RBM4: variants seen among roughly 807,000 people sequenced by gnomAD.
The protein encoded by RBM4 is RNA-binding protein 4.
A neutral mutation model predicts 29.5 loss-of-function variants in RBM4; 7 were observed. That is an observed-to-expected ratio of 0.24 (90% CI 0.14 to 0.45). The LOEUF is 0.45. Among genes scored for constraint, RBM4 ranks in the 20% least tolerant of loss-of-function variants. RBM4 has a pLI of 1.00. For missense variants in RBM4, 387 were observed against 502.3 expected (o/e 0.77, Z 2.19); for synonymous variants, 220 against 205.4 (o/e 1.07, Z -0.61).
chr11:66,659,927 A>T (rs941257442), intron 2 of RBM4, among the ~76,000 whole-genome samples: 4 of 150,942 alleles, frequency 2.7e-5, no homozygotes, highest in Admixed American at 6.6e-5. Flanking sequence ...TGTAAATCAG[A>T]TGTTTCTTTC....
chr11:66,666,248 G>T, exon 3 of RBM4: 1 of 1,030,970 alleles, frequency 9.7e-7, no homozygotes, highest in Non-Finnish European at 1.2e-6. Context: ...ACCAATGGCT[G>T]GGGGAAAAAA....
At chr11:66,658,337 C>CTTTTTTTTTTTTTTTTTTTTTTTT (rs35133059) in intron 2 of RBM4, among the ~76,000 whole-genome samples, 3 of 50,460 alleles carry the variant, frequency 5.9e-5, no homozygotes, top group Admixed American at 3.9e-4. Flanking sequence ...CTAGTCTGAC[C>CTTTTTTTTTTTTTTTTTTTTTTTT]TTTTTTTTTT....
Position 66,646,343 on chromosome 11 carries a change from G to C in RBM4, c.*325G>C. 7.9e-7 allele frequency: 1 copy of C among 1,259,248 alleles called. No homozygotes were observed. The highest frequency in any genetic ancestry group is 1.0e-6 in the Non-Finnish European group (1 of 995,648). 78.0% of individuals were successfully genotyped at this position (1,259,248 alleles called of 1,614,324 possible). On this transcript the variant is annotated 3_prime_UTR_variant, in exon 4 of 4. Coordinates refer to ENST00000310092, the MANE Select transcript of RBM4 (RefSeq NM_002896.4). ...TCCCTGCCTCCTGCCTCCTGCGGCT[G>C]TTGGATTTGGGAATGACCTTGGTGA...
chr11:66,642,163 C>T (rs1938495192), intron 2 of RBM4, among the ~76,000 whole-genome samples: 1 of 152,216 alleles, frequency 6.6e-6, no homozygotes, highest in Non-Finnish European at 1.5e-5. Flanking sequence ...CCTTCCACCC[C>T]CGTTTCCCTA....
downstream of RBM4, among the ~76,000 whole-genome samples, chr11:66,647,973 G>A (rs573073894): frequency 2.1e-4 from 32 of 152,278 alleles, 1 homozygote; most frequent in Admixed American, 1.9e-3. Context: ...GGGAGGCCAC[G>A]GTGGGTGGAT....
At chr11:66,665,672 G>A (rs1939199321) in intron 2 of RBM4, 2 of 1,514,622 alleles carry the variant, frequency 1.3e-6, no homozygotes, top group Non-Finnish European at 1.8e-6. Flanking sequence ...TGTATTCCGG[G>A]GGGAAAAAAA....
chr11:66,660,112 CT>C (rs1441941754), intron 2 of RBM4, among the ~76,000 whole-genome samples: 1 of 147,494 alleles, frequency 6.8e-6, no homozygotes, highest in Admixed American at 6.8e-5. Flanking sequence ...ACACTGAGCT[CT>C]TTCCTGCCTC....
intron 1 of RBM4, 29 bp downstream of exon 1, chr11:66,638,781 T>G (rs1025891735): frequency 6.6e-6 from 1 of 152,464 alleles, no homozygotes; most frequent in Non-Finnish European, 1.5e-5. Context: ...CCACTGCCTT[T>G]CTTGTACTGT....
At chr11:66,650,043 A>G, downstream of RBM4, 1 of 480,998 alleles carries the variant, frequency 2.1e-6, no homozygotes, top group South Asian at 3.2e-5. Context: ...AAAGATGAAT[A>G]GGGCATTGTG....
chr11:66,650,616 C>T (rs918121483), downstream of RBM4, among the ~76,000 whole-genome samples: 14 of 151,734 alleles, frequency 9.2e-5, no homozygotes, highest in South Asian at 1.7e-3. Context: ...GTATTCCCAG[C>T]GCTTTGGGAG....
intron 2 of RBM4, among the ~76,000 whole-genome samples, chr11:66,657,108 CT>C (rs748071140): frequency 3.7e-3 from 342 of 93,392 alleles, no homozygotes; most frequent in South Asian, 0.019. Flanking sequence ...ATTTTTTAGT[CT>C]TTTTTTTTTT....
intron 2 of RBM4, among the ~76,000 whole-genome samples, chr11:66,664,084 T>A (rs953350728): frequency 1.3e-5 from 2 of 151,878 alleles, no homozygotes; most frequent in Admixed American, 6.6e-5. Context: ...CACAGCTCAC[T>A]GCAGCCTCAA....
intron 2 of RBM4, 65 bp downstream of exon 2, chr11:66,640,188 TA>T: frequency 2.5e-6 from 4 of 1,598,108 alleles, no homozygotes; most frequent in Non-Finnish European, 3.4e-6. Flanking sequence ...GTTGGATAAG[TA>T]AAAGGAGAGG....
rs569589132 is a variant in RBM4, at chr11:66,657,822, C to G, written c.413-8034C>G. On this transcript the variant is annotated intron_variant, in intron 2 of 2. Coordinates refer to the RBM4 transcript ENST00000396053. ...TTCAACCTCCACCTCCTCCCGGGCT[C>G]AAGCAATTCTCTCACCTCAGCCTCC... is the stretch of plus-strand genomic sequence containing the variant. 1.4e-4 allele frequency among the ~76,000 whole-genome samples: 22 copies of G among 151,930 alleles called. 1 individual carries two copies. The East Asian group carries it at 3.1e-3, about 21-fold the overall frequency.
intron 2 of RBM4, among the ~76,000 whole-genome samples, chr11:66,653,793 G>T (rs1412318600): frequency 2.0e-5 from 3 of 151,092 alleles, no homozygotes; most frequent in African/African-American, 4.9e-5. Context: ...TTATACATGG[G>T]TTTTCTTTTT....
chr11:66,667,798 C>T (rs1404957394), exon 3 of RBM4: 1 of 151,788 alleles, frequency 6.6e-6, no homozygotes, highest in Non-Finnish European at 1.5e-5. Context: ...CTTTTAACTC[C>T]TGGGCTCAAG....
At chr11:66,647,208 A>G (rs1938718927), downstream of RBM4, among the ~76,000 whole-genome samples, 2 of 152,250 alleles carry the variant, frequency 1.3e-5, no homozygotes, top group South Asian at 2.1e-4. Context: ...GGACTGTGTC[A>G]GAGCATTTCT....
At chr11:66,642,065 G>A (rs947742921) in intron 2 of RBM4, among the ~76,000 whole-genome samples, 5 of 152,156 alleles carry the variant, frequency 3.3e-5, no homozygotes, top group Non-Finnish European at 7.3e-5. Flanking sequence ...GCACTTTAAG[G>A]CACTTAAGTG....
At chr11:66,658,337 C>CTTTTTTTTTTTT (rs35133059) in intron 2 of RBM4, among the ~76,000 whole-genome samples, 9 of 50,458 alleles carry the variant, frequency 1.8e-4, no homozygotes, top group African/African-American at 4.7e-4. Flanking sequence ...CTAGTCTGAC[C>CTTTTTTTTTTTT]TTTTTTTTTT....
Sources: gnomAD v4.1 joint callset for allele counts (sites outside exome capture counted in the v4.1 genomes callset) on GRCh38, gnomAD v4.1.1 for gene constraint, MANE v1.5 for transcripts, NCBI Gene and HGNC (gene_info 2026-07-23, HGNC 2026-07-21) for gene names.